The following NAAA variants were observed in gnomAD, a reference collection of about 807,000 sequenced individuals.
NAAA encodes N-acylethanolamine acid amidase, also known as N-acylethanolamine-hydrolyzing acid amidase.
In NAAA, 39 loss-of-function variants were observed where a neutral mutation model predicts 44.8. The ratio of observed to expected loss-of-function variants is 0.87; its 90% CI spans 0.67 to 1.14. The LOEUF is 1.14. NAAA is among the 50% of genes most tolerant of loss of function. The pLI is 0.00. For synonymous variants in NAAA, 178 were observed against 191.3 expected (o/e 0.93, Z 0.58); for missense variants, 460 against 467.8 (o/e 0.98, Z 0.15).
At chr4:75,912,173 G>C (rs1337029917), downstream of NAAA, among the ~76,000 whole-genome samples, 1 of 152,196 alleles carries the variant, frequency 6.6e-6, no homozygotes, top group African/African-American at 2.4e-5. Flanking sequence ...CGCTTTGCCT[G>C]GTTAAAATTA....
Position 75,920,941 on chromosome 4 carries a change from T to C in NAAA, c.839+10A>G. The stretch of plus-strand genomic sequence containing the variant: ...GATACAAAATGACCAGAGCTTTCAA[T>C]TCTACTTACGCTCCATTCAAAGGAT... On this transcript the variant is annotated intron_variant, in intron 6 of 10. Transcript: ENST00000286733. 1 of 1,613,768 alleles carries C rather than the reference T, an allele frequency of 6.2e-7. No homozygotes were observed. Among genetic ancestry groups the C allele is most frequent in the Non-Finnish European group, 8.5e-7 (1 of 1,179,966 alleles).
chr4:75,934,061 A>G (rs1211694569), intron 3 of NAAA, among the ~76,000 whole-genome samples: 6 of 9,608 alleles, frequency 6.2e-4, no homozygotes, highest in African/African-American at 4.1e-3. Context: ...AGTAATAATA[A>G]TAATAATAAT....
At chr4:75,936,606 A>C (rs756293407) in intron 2 of NAAA, among the ~76,000 whole-genome samples, 3 of 152,246 alleles carry the variant, frequency 2.0e-5, no homozygotes, top group Non-Finnish European at 4.4e-5. Flanking sequence ...ATTCTATTTA[A>C]CACATGATTC....
chr4:75,928,966 T>C (rs1157876311), intron 4 of NAAA, among the ~76,000 whole-genome samples: 1 of 150,758 alleles, frequency 6.6e-6, no homozygotes, highest in African/African-American at 2.4e-5. Context: ...TTTGTGTTTT[T>C]TTTTTTTAGT....
At chr4:75,933,019 C>A (rs1727374249) in intron 3 of NAAA, among the ~76,000 whole-genome samples, 1 of 151,292 alleles carries the variant, frequency 6.6e-6, no homozygotes, top group Non-Finnish European at 1.5e-5. Flanking sequence ...CCTGTGGTCC[C>A]AGCTACTCGG....
At position 75,936,113 on chromosome 4, in the gene NAAA, C is replaced by G; in HGVS notation, c.494G>C (p.Gly165Ala). Residue 165 changes from glycine (G) to alanine (A), a missense_variant, in exon 3 of 11, where the codon GGG becomes GCG. Transcript: ENST00000286733. ...LTVDVQFLKN[G>A]QIAFTGTTFI... ...CTTATATGGTACGGATTATACCTGC[C>G]CATTCTTTAAGAATTGCACATCCAC... The G allele has an allele frequency of 1.2e-6, 2 of 1,613,920 alleles. No homozygotes were observed. Among genetic ancestry groups the G allele is most frequent in the Non-Finnish European group, 1.7e-6 (2 of 1,179,988 alleles).
At chr4:75,920,100 T>C in intron 7 of NAAA, 125 bp from the exon 8 acceptor site, 1 of 912,336 alleles carries the variant, frequency 1.1e-6, no homozygotes, top group Non-Finnish European at 1.8e-6. Flanking sequence ...AAACAGATTC[T>C]GGCCCCAAGC....
chr4:75,936,513 C>T (rs965160656), intron 2 of NAAA, among the ~76,000 whole-genome samples: 3 of 152,210 alleles, frequency 2.0e-5, no homozygotes, highest in African/African-American at 7.2e-5. Context: ...ATTTCATCCT[C>T]AGTCTAAATC....
rs372350889 is a variant in NAAA at position 75,936,160 on chromosome 4, C to G, written c.447G>C (p.Gly149=). 6 of 1,613,866 alleles carry G rather than the reference C, an allele frequency of 3.7e-6. No homozygotes were observed. In the African/African-American group the frequency reaches 8.0e-5, roughly 22 times the overall value. ...YHGRNLDYPF[G]NVLRKLTVDV... is the part of the protein sequence containing the mutation. Reference sequence around the variant, plus strand: ...CCACTGTCAGCTTGCGTAAGACATTCCCAAAAGGATAATCCAAATTCCGAC... The same window carrying G: ...CCACTGTCAGCTTGCGTAAGACATTGCCAAAAGGATAATCCAAATTCCGAC... Residue 149 remains glycine (G), a synonymous_variant, in exon 3 of 11, where the codon GGG becomes GGC. Coordinates refer to ENST00000286733, the MANE Select transcript of NAAA (RefSeq NM_014435.4).
downstream of NAAA, among the ~76,000 whole-genome samples, chr4:75,911,740 A>G (rs912394953): frequency 3.3e-5 from 5 of 152,186 alleles, no homozygotes; most frequent in African/African-American, 1.2e-4. Context: ...GGGAAGTCAC[A>G]AATCTTTGAC....
downstream of NAAA, chr4:75,911,424 G>C (rs1223644072): frequency 4.3e-6 from 2 of 470,586 alleles, no homozygotes; most frequent in Non-Finnish European, 4.4e-6. Flanking sequence ...AACAGTCCTA[G>C]CAGGAGCATG....
At chr4:75,939,946 G>C (rs1206180851) in intron 2 of NAAA, 55 bp downstream of exon 2, 23 of 1,595,712 alleles carry the variant, frequency 1.4e-5, no homozygotes, top group Non-Finnish European at 2.0e-5. Context: ...CCGCTAGTCT[G>C]TGTCGGGGGC....
intron 8 of NAAA, 120 bp from the exon 9 acceptor site, chr4:75,918,909 G>A (rs761380748): frequency 2.3e-5 from 20 of 864,456 alleles, no homozygotes; most frequent in East Asian, 1.0e-4. Flanking sequence ...TTGGGAAGCC[G>A]ACGTGGGAGG....
At position 75,923,145 on chromosome 4, in the gene NAAA, G is replaced by T. The variant is rs112475086; in HGVS notation, c.667-2022C>A. Among the ~76,000 whole-genome samples, 25 of 152,144 alleles carry T rather than the reference G, an allele frequency of 1.6e-4. 1 individual carries two copies. Among genetic ancestry groups the T allele is most frequent in the African/African-American group, 5.5e-4 (23 of 41,496 alleles). Reference sequence around the variant, plus strand: ...TTGGACCTGAACTCCTGGGCAGAAGGGATCCTCCCGCCTCAGCCTCCTGAG... The same window carrying T: ...TTGGACCTGAACTCCTGGGCAGAAGTGATCCTCCCGCCTCAGCCTCCTGAG... On this transcript the variant is annotated intron_variant, in intron 5 of 10. Transcript: ENST00000286733.
chr4:75,920,831 C>T, intron 6 of NAAA, 31 bp from the exon 7 acceptor site: 1 of 1,614,068 alleles, frequency 6.2e-7, no homozygotes, highest in Non-Finnish European at 8.5e-7. Context: ...TTGTCTTATC[C>T]AAGGCAATTT....
At chr4:75,940,497 C>T (rs1560524724) in intron 1 of NAAA, among the ~76,000 whole-genome samples, 1 of 152,232 alleles carries the variant, frequency 6.6e-6, no homozygotes, top group Non-Finnish European at 1.5e-5. Flanking sequence ...GGCGACAACT[C>T]GCGCGCCACG....
At chr4:75,936,929 G>A (rs28595360) in intron 2 of NAAA, among the ~76,000 whole-genome samples, 31,783 of 152,082 alleles carry the variant, frequency 0.21, 3,722 homozygotes, top group East Asian at 0.36. Flanking sequence ...ATACCAGAGG[G>A]AAAAATATGT....
intron 9 of NAAA, chr4:75,917,210 T>G: frequency 2.3e-6 from 1 of 444,188 alleles, no homozygotes; most frequent in Non-Finnish European, 3.0e-6. Context: ...CAGTCAATAG[T>G]GCATTGGAGC....
At chr4:75,915,735 G>A (rs920491750) in intron 9 of NAAA, among the ~76,000 whole-genome samples, 2 of 152,120 alleles carry the variant, frequency 1.3e-5, no homozygotes, top group African/African-American at 2.4e-5. Flanking sequence ...CCAGAGGAGG[G>A]CCTCTAAAGC....
Sources: gnomAD v4.1 joint callset for allele counts (sites outside exome capture counted in the v4.1 genomes callset) on GRCh38, gnomAD v4.1.1 for gene constraint, MANE v1.5 for transcripts, NCBI Gene and HGNC (gene_info 2026-07-23, HGNC 2026-07-21) for gene names.